The following DLC1 variants were observed in gnomAD, a reference collection of about 807,000 sequenced individuals.
DLC1 encodes the protein rho GTPase-activating protein 7.
DLC1 carries 54 observed loss-of-function variants against 140.3 expected under a neutral mutation model. The observed-to-expected ratio is 0.38, with a 90% CI of 0.31 to 0.48. The LOEUF is 0.48. Among genes scored for constraint, DLC1 ranks in the 20% least tolerant of loss-of-function variants. The pLI is 0.96. For missense variants in DLC1, 2,536 were observed against 1,907.0 expected, an observed-to-expected ratio of 1.33 and a Z score of -6.14; for synonymous variants, 986 against 728.1, an observed-to-expected ratio of 1.35 and a Z score of -5.70.
chr8:13,442,943 T>G (rs2116929404), intron 2 of DLC1, among the ~76,000 whole-genome samples: 1 of 152,204 alleles, frequency 6.6e-6, no homozygotes, highest in Admixed American at 6.5e-5. Context: ...AGCAAAGACT[T>G]GGAACCAACC....
intron 5 of DLC1, among the ~76,000 whole-genome samples, chr8:13,235,655 T>C (rs968976063): frequency 1.3e-5 from 2 of 151,504 alleles, no homozygotes; most frequent in Non-Finnish European, 3.0e-5. Context: ...CTATAGAGCT[T>C]TTTTTTTAGG....
chr8:13,561,475 C>T lies in DLC1; in HGVS notation c.-126+43062G>A, dbSNP rs747432051. ...TATTTAAAAATGAAAAGCCACTACA[C>T]GTGCAGGATTTAATTTTGCTTAAAC... On this transcript the variant is annotated intron_variant, in intron 1 of 1. Transcript: ENST00000631382. Among the ~76,000 whole-genome samples the T allele has an allele frequency of 7.6e-4, 116 of 152,214 alleles. 1 individual carries two copies. Among genetic ancestry groups the T allele is most frequent in the Middle Eastern group, 6.8e-3 (2 of 294 alleles).
In DLC1 at chr8:13,270,032, G is replaced by A. The variant is rs185682333; in HGVS notation, c.1348+35237C>T. On this transcript the variant is annotated intron_variant, in intron 5 of 17. Coordinates refer to ENST00000276297, the MANE Select transcript of DLC1 (RefSeq NM_182643.3). ...AGATCGTGCCACTGCACTCCAGCCT[G>A]GGCGACAGAGAGAGACTCCGTCTCA... Among the ~76,000 whole-genome samples the A allele has an allele frequency of 6.0e-3, 910 of 150,788 alleles. 3 individuals are homozygous for A. The highest frequency in any genetic ancestry group is 9.0e-3 in the Non-Finnish European group (609 of 67,718).
In DLC1 at chr8:13,401,461, A is replaced by G. The variant is rs964692063; in HGVS notation, c.1173+9T>C. On this transcript the variant is annotated intron_variant, in intron 3 of 17. Coordinates refer to ENST00000276297, the MANE Select transcript of DLC1 (RefSeq NM_182643.3). Reference sequence around the variant, plus strand: ...CTATGGGAAAAGAAGTAGAAAGTGGAAAGCTCACAGGAACGTGCCGCCGCA... The same window carrying G: ...CTATGGGAAAAGAAGTAGAAAGTGGGAAGCTCACAGGAACGTGCCGCCGCA... The G allele has an allele frequency of 1.9e-6, 3 of 1,611,516 alleles. No homozygotes were observed. In the African/African-American group the frequency reaches 4.0e-5, roughly 22 times the overall value.
At chr8:13,157,494 G>T (rs1232863297) in intron 5 of DLC1, among the ~76,000 whole-genome samples, 1 of 152,154 alleles carries the variant, frequency 6.6e-6, no homozygotes, top group Non-Finnish European at 1.5e-5. Flanking sequence ...GGGTAATTTA[G>T]CATTTGAAAA....
At chr8:13,388,325 C>T (rs1836610337) in intron 4 of DLC1, among the ~76,000 whole-genome samples, 1 of 151,964 alleles carries the variant, frequency 6.6e-6, no homozygotes, top group African/African-American at 2.4e-5. Flanking sequence ...TGCCCATTAA[C>T]CTTTGTTCTT....
At chr8:13,468,697 A>T (rs138445930) in intron 2 of DLC1, among the ~76,000 whole-genome samples, 1 of 142,426 alleles carries the variant, frequency 7.0e-6, no homozygotes, top group Admixed American at 7.1e-5. Context: ...TTCTAATATT[A>T]TTTGTTTCTT....
intron 1 of DLC1, among the ~76,000 whole-genome samples, chr8:13,502,111 A>G (rs946010765): frequency 6.6e-6 from 1 of 152,224 alleles, no homozygotes; most frequent in African/African-American, 2.4e-5. Context: ...AGGCAAAAAG[A>G]ATTACACAAA....
At position 13,086,399 on chromosome 8, in the gene DLC1, G is replaced by T. The variant is rs781164210; in HGVS notation, c.4357C>A (p.Arg1453Ser). The T allele has an allele frequency of 1.9e-6, 3 of 1,614,196 alleles. No homozygotes were observed. Among genetic ancestry groups the T allele is most frequent in the South Asian group, 1.1e-5 (1 of 91,080 alleles). The change falls in exon 17 of 18, where the codon CGC becomes AGC. Residue 1453 changes from arginine (R) to serine (S), a missense_variant. Physicochemically the swap from Arg to Ser is moderately radical, Grantham distance 110 (BLOSUM62 -1). Transcript: ENST00000276297. ...ALLLTSVDHD[R>S]APVVGVRVNV... ...ACCCTCACACCCACCACAGGTGCGC[G>T]ATCGTGATCCACAGAGGTTAGTAAA...
chr8:13,226,418 A>G (rs1467980541), intron 5 of DLC1, among the ~76,000 whole-genome samples: 1 of 152,220 alleles, frequency 6.6e-6, no homozygotes, highest in East Asian at 1.9e-4. Context: ...GATCTATCCT[A>G]TTGCTTCATT....
Position 13,135,934 on chromosome 8 carries a change from C to T in DLC1, c.1349-20277G>A, listed in dbSNP as rs151052179. Among the ~76,000 whole-genome samples the T allele has an allele frequency of 2.0e-5, 3 of 152,262 alleles. No homozygotes were observed. In the East Asian group the frequency reaches 5.8e-4, roughly 29 times the overall value. On this transcript the variant is annotated intron_variant, in intron 5 of 17. Coordinates refer to ENST00000276297, the MANE Select transcript of DLC1 (RefSeq NM_182643.3). ...TGTATAATAATACTAATAATAACTC[C>T]AAAATCCTTTCTTTTGGTGATGCAT...
intron 2 of DLC1, among the ~76,000 whole-genome samples, chr8:13,451,357 CT>C (rs1799049946): frequency 6.6e-6 from 1 of 152,076 alleles, no homozygotes; most frequent in South Asian, 2.1e-4. Flanking sequence ...CGCATCTACC[CT>C]TTGTGTAATA....
At chr8:13,270,307 C>G (rs1048776023) in intron 5 of DLC1, among the ~76,000 whole-genome samples, 4 of 152,154 alleles carry the variant, frequency 2.6e-5, no homozygotes, top group Non-Finnish European at 4.4e-5. Context: ...ACTGTGCATG[C>G]ACACTACTTT....
chr8:13,538,802 T>C (rs1036505845), intron 1 of DLC1, among the ~76,000 whole-genome samples: 6 of 152,224 alleles, frequency 3.9e-5, no homozygotes, highest in Non-Finnish European at 7.3e-5. Flanking sequence ...TCACTTACAA[T>C]AACCTCACTG....
chr8:13,173,945 T>C lies in DLC1; in HGVS notation c.1349-58288A>G, dbSNP rs543163260. On this transcript the variant is annotated intron_variant, in intron 5 of 17. Transcript: ENST00000276297. ...TTGCATGATGCTGAGGTTTGGGGTA[T>C]GAACGATCTCATCACCCAGGTAGTG... Among the ~76,000 whole-genome samples the C allele has an allele frequency of 5.9e-5, 9 of 152,292 alleles. No individual in the cohort carries two copies. In the South Asian group the frequency reaches 1.0e-3, roughly 18 times the overall value.
chr8:13,125,337 T>C (rs957719271), intron 5 of DLC1, among the ~76,000 whole-genome samples: 2 of 152,216 alleles, frequency 1.3e-5, no homozygotes, highest in African/African-American at 2.4e-5. Flanking sequence ...ATTCATATCA[T>C]AGACAACACA....
At chr8:13,124,690 G>A (rs936627547) in intron 5 of DLC1, among the ~76,000 whole-genome samples, 1 of 152,168 alleles carries the variant, frequency 6.6e-6, no homozygotes, top group East Asian at 1.9e-4. Context: ...TGGCCCTGTT[G>A]CTTCATCTAT....
At chr8:13,124,343 C>T (rs149692452) in intron 5 of DLC1, among the ~76,000 whole-genome samples, 353 of 152,128 alleles carry the variant, frequency 2.3e-3, no homozygotes, top group Non-Finnish European at 4.1e-3. Context: ...AGAGGGGATT[C>T]GGTGTAAAGG....
At chr8:13,333,914 T>C (rs1586155331) in intron 4 of DLC1, among the ~76,000 whole-genome samples, 1 of 152,136 alleles carries the variant, frequency 6.6e-6, no homozygotes, top group African/African-American at 2.4e-5. Flanking sequence ...GCCAGACACC[T>C]TATACATACT....
Sources: allele counts gnomAD v4.1 joint callset (sites outside exome capture counted in the v4.1 genomes callset), GRCh38; gene constraint gnomAD v4.1.1; transcripts MANE v1.5; gene names NCBI Gene and HGNC (gene_info 2026-07-23, HGNC 2026-07-21).